The following DMD variants were observed in gnomAD, a reference collection of about 807,000 sequenced individuals.
The protein encoded by DMD is dystrophin.
A neutral mutation model predicts 330.1 loss-of-function variants in DMD; 63 were observed. That is an observed-to-expected ratio of 0.19 (90% confidence interval 0.16 to 0.24). The LOEUF (loss-of-function observed/expected upper bound fraction) is 0.24, where lower values mean the gene tolerates loss of function less well. DMD is among the 10% of genes least tolerant of loss of function. DMD has a pLI of 1.00. For synonymous variants in DMD, 1,223 were observed against 959.8 expected (o/e 1.27, Z -5.07); for missense variants, 3,344 against 2,684.1 (o/e 1.25, Z -5.43).
chrX:32,522,355 C>T (rs1230850514), intron 17 of DMD, among the ~76,000 whole-genome samples: 2 of 111,576 alleles, frequency 1.8e-5, no homozygotes, highest in African/African-American at 6.5e-5. Flanking sequence ...ATTATCATTT[C>T]TATCTTTTTT....
chrX:32,174,586 A>G (rs987185337), intron 44 of DMD, among the ~76,000 whole-genome samples: 11 of 112,391 alleles, frequency 9.8e-5, no homozygotes, highest in African/African-American at 3.2e-4. Context: ...CAAAGCCTAA[A>G]ATATTTACTC....
At chrX:32,284,709 G>C (rs1176909817) in intron 43 of DMD, among the ~76,000 whole-genome samples, 1 of 112,163 alleles carries the variant, frequency 8.9e-6, no homozygotes. Context: ...ATAGATAGCA[G>C]AAAGGCCAGA....
At chrX:32,600,090 T>C (rs770242947) in intron 12 of DMD, among the ~76,000 whole-genome samples, 4 of 111,832 alleles carry the variant, frequency 3.6e-5, no homozygotes, top group Non-Finnish European at 5.6e-5. Context: ...ATTTTATTAT[T>C]TAAACCTGAC....
chrX:32,303,167 G>A (rs2097529301), intron 42 of DMD, among the ~76,000 whole-genome samples: 1 of 111,584 alleles, frequency 9.0e-6, no homozygotes, highest in Non-Finnish European at 1.9e-5. Context: ...CACATGTCTA[G>A]ATGATTTAAC....
At chrX:32,870,324 T>C (rs955232915) in intron 2 of DMD, among the ~76,000 whole-genome samples, 1 of 111,636 alleles carries the variant, frequency 9.0e-6, no homozygotes, top group African/African-American at 3.3e-5. Flanking sequence ...TGCTCATGGA[T>C]AGAATCAATA....
chrX:32,882,141 C>T (rs1385341295), intron 2 of DMD, among the ~76,000 whole-genome samples: 5 of 111,917 alleles, frequency 4.5e-5, no homozygotes, highest in Admixed American at 2.9e-4. Context: ...GAGGTCCGGG[C>T]CTCAGTCCCA....
chrX:32,163,045 T>C (rs2096855941), intron 44 of DMD, among the ~76,000 whole-genome samples: 1 of 111,557 alleles, frequency 9.0e-6, no homozygotes, highest in Non-Finnish European at 1.9e-5. Flanking sequence ...CTAACAAGAT[T>C]TCAAACCTAA....
At chrX:32,546,796 TA>T (rs3842580) in intron 16 of DMD, among the ~76,000 whole-genome samples, 18,940 of 110,530 alleles carry the variant, frequency 0.17, 1,489 homozygotes, top group East Asian at 0.4. Context: ...ACTTTAATTA[TA>T]AGTCTGTTGA....
At chrX:33,318,623 T>G (rs1170453330) in intron 1 of DMD, among the ~76,000 whole-genome samples, 1 of 108,314 alleles carries the variant, frequency 9.2e-6, no homozygotes, top group Non-Finnish European at 1.9e-5. Flanking sequence ...TGTTTGTATT[T>G]CTTAGTAGAG....
chrX:32,509,915 C>A (rs1246659714), intron 18 of DMD, among the ~76,000 whole-genome samples: 7 of 111,271 alleles, frequency 6.3e-5, no homozygotes. Flanking sequence ...CAATCCATCA[C>A]AAAGTCCTGT....
intron 1 of DMD, among the ~76,000 whole-genome samples, chrX:33,318,372 T>C (rs1196242497): frequency 9.0e-6 from 1 of 110,927 alleles, no homozygotes; most frequent in Admixed American, 9.7e-5. Context: ...TGATTTAAAA[T>C]TTTAAAGTAT....
intron 32 of DMD, among the ~76,000 whole-genome samples, chrX:32,388,198 C>G (rs1300224224): frequency 2.7e-5 from 3 of 111,171 alleles, no homozygotes; most frequent in African/African-American, 9.8e-5. Context: ...CAGCTTGACA[C>G]AGGTGAGATT....
chrX:32,377,503 C>T (rs1016809640), intron 34 of DMD, among the ~76,000 whole-genome samples: 2 of 111,576 alleles, frequency 1.8e-5, no homozygotes, highest in Non-Finnish European at 3.8e-5. Context: ...TCTATGTTAG[C>T]AAAAATTTTT....
chrX:32,710,154 T>A (rs2065054923), intron 7 of DMD, among the ~76,000 whole-genome samples: 1 of 106,063 alleles, frequency 9.4e-6, no homozygotes, highest in African/African-American at 3.9e-5. Context: ...ATACAAGAAC[T>A]TTTATTATGT....
chrX:32,849,431 T>C (rs1444488831), intron 3 of DMD, among the ~76,000 whole-genome samples: 1 of 111,976 alleles, frequency 8.9e-6, no homozygotes, highest in Admixed American at 9.5e-5. Context: ...ACAAAGATAA[T>C]TTCTCAAGTC....
chrX:31,337,529 A>T (rs2057472633), intron 61 of DMD, among the ~76,000 whole-genome samples: 1 of 112,542 alleles, frequency 8.9e-6, no homozygotes, highest in Non-Finnish European at 1.9e-5. Context: ...GAAAACATCC[A>T]AATGGAAAAA....
chrX:31,211,068 A>G (rs2044619072), intron 64 of DMD, among the ~76,000 whole-genome samples: 1 of 112,047 alleles, frequency 8.9e-6, no homozygotes, highest in Non-Finnish European at 1.9e-5. Flanking sequence ...GACCCTTTTC[A>G]TGGAAGCTGA....
At chrX:32,948,247 G>T (rs1355041982) in intron 2 of DMD, among the ~76,000 whole-genome samples, 3 of 111,164 alleles carry the variant, frequency 2.7e-5, no homozygotes, top group Non-Finnish European at 5.7e-5. Context: ...TGAGAGAGCT[G>T]CCTCCTCTTT....
At chrX:33,232,455 G>C (rs974900225) in intron 1 of DMD, among the ~76,000 whole-genome samples, 2 of 111,594 alleles carry the variant, frequency 1.8e-5, no homozygotes, top group Admixed American at 1.9e-4. Context: ...TATTCTGTGT[G>C]GGAAAAAACG....
Sources: gnomAD v4.1 joint callset for allele counts (sites outside exome capture counted in the v4.1 genomes callset) on GRCh38, gnomAD v4.1.1 for gene constraint, MANE v1.5 for transcripts, NCBI Gene and HGNC (gene_info 2026-07-23, HGNC 2026-07-21) for gene names.